Variants in ATP2B2 observed in about 807,000 individuals in gnomAD.
The protein encoded by ATP2B2 is plasma membrane calcium-transporting ATPase 2.
Under a neutral mutation model 120.0 loss-of-function variants are expected in ATP2B2, and 15 were observed. The ratio of observed to expected loss-of-function variants is 0.12; its 90% confidence interval spans 0.08 to 0.19. ATP2B2 has a LOEUF of 0.19. ATP2B2 is among the 10% of genes least tolerant of loss of function. The pLI is 1.00. For missense variants in ATP2B2, 1,045 were observed against 1,719.8 expected (o/e 0.61, Z 6.94); for synonymous variants, 694 against 700.3 (o/e 0.99, Z 0.14).
chr3:10,561,783 C>T (rs56058733), intron 2 of ATP2B2, among the ~76,000 whole-genome samples: 1,537 of 152,256 alleles, frequency 0.01, 9 homozygotes, highest in Non-Finnish European at 0.017. Flanking sequence ...TTTTGCCTTC[C>T]GCCATGATTG....
chr3:10,585,220 G>A (rs539060590), intron 2 of ATP2B2, among the ~76,000 whole-genome samples: 25 of 152,152 alleles, frequency 1.6e-4, no homozygotes, highest in African/African-American at 2.9e-4. Context: ...GTGAGAGGCC[G>A]GGCAGGGTGG....
chr3:10,387,929 G>A (rs2061728845), intron 6 of ATP2B2: 1 of 350,148 alleles, frequency 2.9e-6, no homozygotes, highest in Non-Finnish European at 5.6e-6. Context: ...AATGGGTGGG[G>A]ATTTCTACTC....
At chr3:10,383,625 A>G (rs1188304964) in intron 8 of ATP2B2, among the ~76,000 whole-genome samples, 3 of 152,180 alleles carry the variant, frequency 2.0e-5, no homozygotes, top group Non-Finnish European at 4.4e-5. Flanking sequence ...TAGCTCTGTG[A>G]CCTTAGGCTA....
intron 1 of ATP2B2, among the ~76,000 whole-genome samples, chr3:10,494,431 C>A (rs522888): frequency 0.58 from 88,112 of 151,986 alleles, 25,854 homozygotes; most frequent in South Asian, 0.7. Context: ...TCACATAGCT[C>A]GGAAGTGTTG....
intron 3 of ATP2B2, among the ~76,000 whole-genome samples, chr3:10,510,720 C>T (rs2066744625): frequency 2.0e-5 from 3 of 152,226 alleles, no homozygotes; most frequent in Non-Finnish European, 4.4e-5. Flanking sequence ...CCTGGAAGAA[C>T]GCAGAGCTTG....
At chr3:10,613,203 A>G (rs996718992) in intron 2 of ATP2B2, among the ~76,000 whole-genome samples, 4 of 152,188 alleles carry the variant, frequency 2.6e-5, no homozygotes, top group Non-Finnish European at 5.9e-5. Flanking sequence ...CCTTGATTTC[A>G]TGCCCTGAAA....
At chr3:10,467,939 G>C (rs1486159294) in intron 1 of ATP2B2, among the ~76,000 whole-genome samples, 1 of 152,206 alleles carries the variant, frequency 6.6e-6, no homozygotes, top group Non-Finnish European at 1.5e-5. Context: ...CCGAGGTGCA[G>C]GGAGGTGGGA....
At chr3:10,608,465 G>A (rs1559484119) in intron 2 of ATP2B2, among the ~76,000 whole-genome samples, 2 of 152,230 alleles carry the variant, frequency 1.3e-5, no homozygotes, top group Non-Finnish European at 2.9e-5. Context: ...TCACCTGTCT[G>A]TAAGACCAAG....
At chr3:10,477,644 C>A (rs969993955) in intron 1 of ATP2B2, among the ~76,000 whole-genome samples, 2 of 152,184 alleles carry the variant, frequency 1.3e-5, no homozygotes, top group Non-Finnish European at 2.9e-5. Flanking sequence ...GGAATCATAA[C>A]AGTATTTGTC....
chr3:10,433,351 G>C (rs1302205873), intron 2 of ATP2B2, among the ~76,000 whole-genome samples: 9 of 152,152 alleles, frequency 5.9e-5, no homozygotes, highest in Admixed American at 3.3e-4. Flanking sequence ...TTGGGACTTG[G>C]CTTTCGCCCA....
chr3:10,550,825 G>C (rs763005655), intron 2 of ATP2B2, among the ~76,000 whole-genome samples: 10 of 152,182 alleles, frequency 6.6e-5, no homozygotes, highest in Non-Finnish European at 1.2e-4. Flanking sequence ...GAAGGCGAAG[G>C]GGAAACATTC....
intron 3 of ATP2B2, among the ~76,000 whole-genome samples, chr3:10,408,376 T>C (rs537345597): frequency 1.3e-5 from 2 of 152,218 alleles, no homozygotes; most frequent in African/African-American, 4.8e-5. Context: ...TGGCTGGGGA[T>C]TGATGGAGCC....
intron 1 of ATP2B2, among the ~76,000 whole-genome samples, chr3:10,459,047 CT>C (rs1352311419): frequency 5.3e-5 from 8 of 152,322 alleles, no homozygotes; most frequent in South Asian, 2.1e-4. Flanking sequence ...CTGCTGCTGC[CT>C]TGTGTCTAGC....
At position 10,340,432 on chromosome 3, in the gene ATP2B2, C is replaced by T; in HGVS notation, c.3129+61G>A. 1.2e-6 allele frequency: 2 copies of T among 1,613,576 alleles called. No homozygotes were observed. The highest frequency in any genetic ancestry group is 1.7e-6 in the Non-Finnish European group (2 of 1,179,560). ...AGAGGGCTGGGCTCTCAGGGTCCTG[C>T]CCAGGGGCTCCAGCCGCTTGCTGCC... On this transcript the variant is annotated intron_variant, in intron 20 of 22. Coordinates refer to ENST00000360273, the MANE Select transcript of ATP2B2 (RefSeq NM_001001331.4). The surrounding 1 kb of genome is among the most constrained non-coding windows in gnomAD (Gnocchi z 5.0).
intron 1 of ATP2B2, among the ~76,000 whole-genome samples, chr3:10,491,431 G>A (rs1025368752): frequency 6.6e-6 from 1 of 152,004 alleles, no homozygotes; most frequent in Non-Finnish European, 1.5e-5. Context: ...TCACCATATT[G>A]GCCAGGCTGG....
chr3:10,689,590 G>A (rs1346381598), intron 1 of ATP2B2, among the ~76,000 whole-genome samples: 2 of 152,038 alleles, frequency 1.3e-5, no homozygotes, highest in Non-Finnish European at 1.5e-5. Flanking sequence ...TTTTAACACT[G>A]AAAGAGTAGA....
chr3:10,427,844 C>G (rs188245215), intron 2 of ATP2B2, among the ~76,000 whole-genome samples: 111 of 152,332 alleles, frequency 7.3e-4, no homozygotes, highest in Admixed American at 3.3e-3. Flanking sequence ...TCTCGTGGTG[C>G]CTACCACATT....
rs73814214 is a variant in ATP2B2 at position 10,400,809 on chromosome 3, G to A, written c.781+144C>T. The stretch of plus-strand genomic sequence containing the variant: ...GTGTGTTTGTGAGAGAAAAGGAAGG[G>A]AGTTCTCACTTGGGGCTGAGCTGGC... On this transcript the variant is annotated intron_variant, in intron 5 of 22. Transcript: ENST00000360273. 4 of 1,252,020 alleles carry A rather than the reference G, an allele frequency of 3.2e-6. No individual in the cohort carries two copies. In the East Asian group the frequency reaches 7.7e-5, roughly 24 times the overall value. 77.6% of individuals were successfully genotyped at this position (1,252,020 alleles called of 1,614,324 possible). A position where few individuals can be genotyped will look rare whatever the true frequency, so the allele number is the denominator to read the frequency against.
At chr3:10,633,097 G>A (rs13099701) in intron 1 of ATP2B2, among the ~76,000 whole-genome samples, 64,566 of 152,140 alleles carry the variant, frequency 0.42, 13,879 homozygotes, top group Admixed American at 0.46. Context: ...CCTGAGCCAT[G>A]TGGGCCTGGG....
Sources: gnomAD v4.1 joint callset for allele counts (sites outside exome capture counted in the v4.1 genomes callset) on GRCh38, gnomAD v4.1.1 for gene constraint, Gnocchi (gnomAD v3.1) non-coding constraint, MANE v1.5 for transcripts, NCBI Gene and HGNC (gene_info 2026-07-23, HGNC 2026-07-21) for gene names.